The following ZNF679 variants were observed in gnomAD, a reference collection of about 807,000 sequenced individuals.
The protein encoded by ZNF679 is hypothetical protein MGC42415.
Under a neutral mutation model 13.4 loss-of-function variants are expected in ZNF679, and 10 were observed. The ratio of observed to expected loss-of-function variants is 0.75; its 90% CI spans 0.46 to 1.27. The LOEUF (loss-of-function observed/expected upper bound fraction) is 1.27, where lower values mean the gene tolerates loss of function less well. Ranked by LOEUF, ZNF679 falls within the 50% of genes most tolerant of loss-of-function variation. The probability of loss-of-function intolerance (pLI) is 0.00; values close to 1 mark genes in which losing one functional copy is unlikely to be tolerated. For missense variants in ZNF679, 525 were observed against 477.8 expected (o/e 1.10, Z -0.92); for synonymous variants, 179 against 162.5 (o/e 1.10, Z -0.77).
rs1787906662 is a variant in ZNF679, at chr7:64,249,041, C to G, written c.-77C>G. 3 of 1,602,832 alleles carry G rather than the reference C, an allele frequency of 1.9e-6. No individual in the cohort carries two copies. The highest frequency in any genetic ancestry group is 4.5e-5 in the East Asian group (2 of 44,368). ...CTCTGCGTCCAGAGCTCCAGTTCTT[C>G]TCTTCACTGCTCTGCGTCCTCTGTT... is the stretch of plus-strand genomic sequence containing the variant. On this transcript the variant is annotated 5_prime_UTR_variant, in exon 2 of 5. Coordinates refer to ENST00000421025, the MANE Select transcript of ZNF679 (RefSeq NM_153363.3).
At chr7:64,250,682 T>C (rs1787934400) in intron 2 of ZNF679, among the ~76,000 whole-genome samples, 2 of 151,116 alleles carry the variant, frequency 1.3e-5, no homozygotes, top group Admixed American at 1.3e-4. Flanking sequence ...TCTGCCTCCC[T>C]GGTTCAAGTG....
At chr7:64,248,218 G>A (rs1038377126) in intron 1 of ZNF679, among the ~76,000 whole-genome samples, 1 of 151,964 alleles carries the variant, frequency 6.6e-6, no homozygotes, top group Non-Finnish European at 1.5e-5. Context: ...AGAACAGCAT[G>A]AGGATAATCC....
Position 64,249,074 on chromosome 7 carries a change from G to T in ZNF679, c.-44G>T. On this transcript the variant is annotated 5_prime_UTR_variant, in exon 2 of 5. Coordinates refer to ENST00000421025, the MANE Select transcript of ZNF679 (RefSeq NM_153363.3). ...TGCTCTGCGTCCTCTGTTCCTAGAG[G>T]CCAAGCCACTGTGGCCTTGTGTTCT... 6.2e-7 allele frequency: 1 copy of T among 1,613,600 alleles called. No individual in the cohort carries two copies.
chr7:64,264,883 T>A (rs1788123365), intron 4 of ZNF679, among the ~76,000 whole-genome samples: 1 of 152,088 alleles, frequency 6.6e-6, no homozygotes, highest in South Asian at 2.1e-4. Flanking sequence ...TTTCTTACAT[T>A]ATTTTTTTCT....
intron 3 of ZNF679, 87 bp downstream of exon 3, chr7:64,260,434 G>A: frequency 6.5e-7 from 1 of 1,528,984 alleles, no homozygotes. Flanking sequence ...CTTTGCATGA[G>A]TGAATTTTAG....
intron 1 of ZNF679, among the ~76,000 whole-genome samples, chr7:64,237,002 A>AGAGC (rs1331144347): frequency 7.2e-5 from 3 of 41,658 alleles, no homozygotes; most frequent in Admixed American, 4.9e-4. Flanking sequence ...AAAGAAAGAA[A>AGAGC]AAGAAAGAAA....
At chr7:64,251,990 G>C (rs1267082138) in intron 2 of ZNF679, among the ~76,000 whole-genome samples, 1 of 152,294 alleles carries the variant, frequency 6.6e-6, no homozygotes, top group Non-Finnish European at 1.5e-5. Flanking sequence ...GAAAAACACA[G>C]AAGTAATTTC....
chr7:64,245,030 T>C (rs985103838), intron 1 of ZNF679, among the ~76,000 whole-genome samples: 1 of 152,092 alleles, frequency 6.6e-6, no homozygotes, highest in African/African-American at 2.4e-5. Context: ...TCTTTCTTTG[T>C]TTTTTAGCTT....
At chr7:64,250,178 T>C (rs1787926585) in intron 2 of ZNF679, among the ~76,000 whole-genome samples, 1 of 151,558 alleles carries the variant, frequency 6.6e-6, no homozygotes, top group South Asian at 2.1e-4. Flanking sequence ...TTTTTTTAAG[T>C]GAGAGCTGAG....
intron 3 of ZNF679, 47 bp downstream of exon 3, chr7:64,260,394 C>G (rs1156477882): frequency 6.4e-7 from 1 of 1,550,470 alleles, no homozygotes; most frequent in African/African-American, 1.4e-5. Flanking sequence ...TCTTTTCTCT[C>G]TTTTCTAAAA....
At chr7:64,234,664 G>A (rs949813220) in intron 1 of ZNF679, among the ~76,000 whole-genome samples, 9 of 152,150 alleles carry the variant, frequency 5.9e-5, no homozygotes, top group South Asian at 2.1e-4. Flanking sequence ...AGAGCCCAAC[G>A]GAGTCTTCTG....
chr7:64,260,766 C>CGT, intron 3 of ZNF679, 68 bp from the exon 4 acceptor site: 1 of 1,471,342 alleles, frequency 6.8e-7, no homozygotes, highest in Non-Finnish European at 9.2e-7. Flanking sequence ...CTTTACTAAG[C>CGT]ATAATACTCG....
chr7:64,248,651 GC>G (rs1413076264), intron 1 of ZNF679, among the ~76,000 whole-genome samples: 10 of 152,100 alleles, frequency 6.6e-5, no homozygotes, highest in African/African-American at 2.4e-4. Flanking sequence ...AGGACCCGCA[GC>G]AAGGAAGGTC....
At chr7:64,242,911 A>G (rs1256674593) in intron 1 of ZNF679, among the ~76,000 whole-genome samples, 1 of 152,118 alleles carries the variant, frequency 6.6e-6, no homozygotes, top group Non-Finnish European at 1.5e-5. Context: ...ATGACTCACC[A>G]CCTGACCTTT....
intron 1 of ZNF679, among the ~76,000 whole-genome samples, chr7:64,241,480 C>G (rs1441491042): frequency 6.6e-6 from 1 of 152,232 alleles, no homozygotes; most frequent in Non-Finnish European, 1.5e-5. Flanking sequence ...CGATATGTCA[C>G]AATGTCCCCT....
intron 1 of ZNF679, among the ~76,000 whole-genome samples, chr7:64,236,997 AAGAAAAAG>A (rs1787735230): frequency 1.9e-5 from 1 of 52,128 alleles, no homozygotes; most frequent in South Asian, 4.9e-4. Context: ...GAAAGAAAGA[AAGAAAAAG>A]AAAGAAAGAA....
rs148551279 is a variant in ZNF679, at chr7:64,229,032, C to T, written c.-91+380C>T. ...CAACATGCTTGAGAGTGGAATTCTG[C>T]TCTGAGAACTTTATGTTTTTATGGA... On this transcript the variant is annotated intron_variant, in intron 1 of 4. Coordinates refer to ENST00000421025, the MANE Select transcript of ZNF679 (RefSeq NM_153363.3). 1.6e-3 allele frequency among the ~76,000 whole-genome samples: 247 copies of T among 152,252 alleles called. 1 individual carries two copies. The highest frequency in any genetic ancestry group is 5.7e-3 in the African/African-American group (237 of 41,542).
In ZNF679 at chr7:64,260,293, C is replaced by G. The variant is rs1210983753; in HGVS notation, c.112C>G (p.Gln38Glu). The change falls in exon 3 of 5, where the codon CAG becomes GAG. Residue 38 changes from glutamine (Q) to glutamate (E), a missense_variant. Physicochemically the swap from Gln to Glu is conservative, Grantham distance 29. Transcript: ENST00000421025. The part of the protein sequence containing the change: ...EEWQCLDHAQ[Q>E]NLYRDVMLEN... ...GTGGCAATGCCTGGATCACGCTCAGCAGAATTTATATAGAGATGTGATGTT... is the reference window on the plus strand; with the variant it reads ...GTGGCAATGCCTGGATCACGCTCAGGAGAATTTATATAGAGATGTGATGTT... 6.2e-7 allele frequency: 1 copy of G among 1,612,956 alleles called. No individual in the cohort carries two copies. The highest frequency in any genetic ancestry group is 8.5e-7 in the Non-Finnish European group (1 of 1,179,638).
intron 2 of ZNF679, among the ~76,000 whole-genome samples, chr7:64,250,714 G>A (rs928273085): frequency 2.3e-4 from 35 of 151,358 alleles, no homozygotes; most frequent in Admixed American, 1.6e-3. Context: ...TCAGCCTCCC[G>A]AATAACTGGG....
Sources: allele counts gnomAD v4.1 joint callset (sites outside exome capture counted in the v4.1 genomes callset), GRCh38; gene constraint gnomAD v4.1.1; transcripts MANE v1.5; gene names NCBI Gene and HGNC (gene_info 2026-07-23, HGNC 2026-07-21).